WDR35: variants seen among roughly 807,000 people sequenced by gnomAD.
WDR35 encodes the protein WD repeat domain 35, also known as WD repeat-containing protein 35.
A neutral mutation model predicts 158.3 loss-of-function variants in WDR35; 118 were observed. The ratio of observed to expected loss-of-function variants is 0.75; its 90% CI spans 0.64 to 0.87. The LOEUF is 0.87. Ranked by LOEUF, WDR35 falls within the 40% of genes least tolerant of loss-of-function variation. The probability of loss-of-function intolerance (pLI) is 0.00; values close to 1 mark genes in which losing one functional copy is unlikely to be tolerated. For synonymous variants in WDR35, 448 were observed against 476.1 expected (o/e 0.94, Z 0.77); for missense variants, 1,263 against 1,405.8 (o/e 0.90, Z 1.62).
At chr2:19,952,527 A>G (rs927058259) in intron 12 of WDR35, among the ~76,000 whole-genome samples, 4 of 152,200 alleles carry the variant, frequency 2.6e-5, no homozygotes, top group Non-Finnish European at 4.4e-5. Context: ...TTTAGCAGCT[A>G]TAAGACACTC....
At chr2:19,981,677 C>T (rs962297906) in intron 3 of WDR35, among the ~76,000 whole-genome samples, 6 of 152,206 alleles carry the variant, frequency 3.9e-5, no homozygotes, top group African/African-American at 7.2e-5. Flanking sequence ...AGCACCACGC[C>T]TGGTTAATTT....
intron 16 of WDR35, 87 bp downstream of exon 16, chr2:19,945,699 C>T: frequency 6.7e-7 from 1 of 1,491,578 alleles, no homozygotes; most frequent in Non-Finnish European, 9.3e-7. Flanking sequence ...ATTCAACAAA[C>T]TTCTTAAAGA....
At chr2:19,971,247 T>C (rs961762446) in intron 8 of WDR35, among the ~76,000 whole-genome samples, 4 of 152,222 alleles carry the variant, frequency 2.6e-5, no homozygotes, top group Admixed American at 2.0e-4. Flanking sequence ...TCAAATTTAA[T>C]GTTACTATAG....
intron 18 of WDR35, 98 bp from the exon 19 acceptor site, chr2:19,938,044 CTA>C: frequency 2.0e-6 from 3 of 1,480,426 alleles, no homozygotes; most frequent in Non-Finnish European, 9.3e-7. Flanking sequence ...TCTATTATTT[CTA>C]GAGAAACATG....
At chr2:19,973,481 C>G in intron 8 of WDR35, 82 bp downstream of exon 8, 1 of 1,571,408 alleles carries the variant, frequency 6.4e-7, no homozygotes, top group Non-Finnish European at 8.7e-7. Flanking sequence ...AAGTTTACAC[C>G]GTTTCCTTTG....
chr2:19,960,995 G>A (rs1213726883), intron 10 of WDR35, among the ~76,000 whole-genome samples: 1 of 152,114 alleles, frequency 6.6e-6, no homozygotes, highest in African/African-American at 2.4e-5. Flanking sequence ...AAATAAACGT[G>A]CACTAACTTG....
chr2:19,951,262 A>G (rs1461982410), intron 13 of WDR35, among the ~76,000 whole-genome samples, 153 bp downstream of exon 13: 1 of 152,182 alleles, frequency 6.6e-6, no homozygotes, highest in African/African-American at 2.4e-5. Flanking sequence ...TTTAAGATCT[A>G]GGAAAAAGTT....
Position 19,989,245 on chromosome 2 carries a change from G to T in WDR35, c.62C>A (p.Ser21Tyr). ...IPNNVKLQCV[S>Y]WNKEQGFIAC... is the part of the protein sequence containing the mutation. ...TATGAACCCTTGTTCCTTGTTCCAGGATACACACTGCAGCTTCACGTTATT... is the reference window on the plus strand; with the variant it reads ...TATGAACCCTTGTTCCTTGTTCCAGTATACACACTGCAGCTTCACGTTATT... The change falls in exon 2 of 27, where the codon TCC becomes TAC. Residue 21 changes from serine (S) to tyrosine (Y), a missense_variant. Physicochemically the swap from Ser to Tyr is moderately radical, Grantham distance 144. Transcript: ENST00000281405. 6.2e-7 allele frequency: 1 copy of T among 1,614,140 alleles called. No homozygotes were observed. The highest frequency in any genetic ancestry group is 8.5e-7 in the Non-Finnish European group (1 of 1,180,028).
rs374615697 is a variant in WDR35 at position 19,935,999 on chromosome 2, G to A, written c.2414+220C>T. Among the ~76,000 whole-genome samples the A allele has an allele frequency of 3.5e-4, 54 of 152,206 alleles. 2 individuals are homozygous for A. The East Asian group carries it at 4.6e-3, about 13-fold the overall frequency. The stretch of plus-strand genomic sequence containing the variant: ...GTAGGCTCAAACAGAAAGCTGCATG[G>A]AGCTAAGTACAAGTTTTGTGTTTAT... On this transcript the variant is annotated intron_variant, in intron 20 of 26. Coordinates refer to ENST00000281405, the MANE Select transcript of WDR35 (RefSeq NM_020779.4).
intron 11 of WDR35, among the ~76,000 whole-genome samples, chr2:19,957,784 C>T (rs1671497194): frequency 6.6e-6 from 1 of 152,110 alleles, no homozygotes; most frequent in South Asian, 2.1e-4. Flanking sequence ...AACTCCTGAC[C>T]TCAGGTGATC....
chr2:19,983,859 C>T (rs954564887), intron 2 of WDR35, among the ~76,000 whole-genome samples: 1 of 152,164 alleles, frequency 6.6e-6, no homozygotes. Context: ...TTAGGCTGAA[C>T]ATAATTTTTT....
intron 25 of WDR35, 92 bp downstream of exon 25, chr2:19,930,304 G>A: frequency 6.4e-7 from 1 of 1,564,430 alleles, no homozygotes; most frequent in Non-Finnish European, 8.8e-7. Context: ...AAATGTTATT[G>A]AAGGCCACAT....
At chr2:19,959,119 T>A (rs1260309262) in intron 11 of WDR35, among the ~76,000 whole-genome samples, 4 of 151,988 alleles carry the variant, frequency 2.6e-5, no homozygotes, top group Admixed American at 1.3e-4. Flanking sequence ...ATGAAAGAAC[T>A]GTTTGTTAAA....
chr2:19,961,065 G>GA (rs1214527920), intron 10 of WDR35, among the ~76,000 whole-genome samples: 1 of 152,016 alleles, frequency 6.6e-6, no homozygotes, highest in Non-Finnish European at 1.5e-5. Context: ...GCAGCAGTTT[G>GA]AAAAAAAGCC....
chr2:19,982,185 G>C (rs1672402648), intron 3 of WDR35, among the ~76,000 whole-genome samples: 1 of 152,102 alleles, frequency 6.6e-6, no homozygotes, highest in Non-Finnish European at 1.5e-5. Context: ...TATAAAATAG[G>C]CTTTATGTCA....
intron 25 of WDR35, among the ~76,000 whole-genome samples, chr2:19,923,674 C>T (rs1488558788): frequency 6.6e-6 from 1 of 152,144 alleles, no homozygotes; most frequent in African/African-American, 2.4e-5. Flanking sequence ...TCGAACAGCA[C>T]CTTGAGTGAC....
chr2:19,921,033 G>C (rs1670150333), intron 25 of WDR35, among the ~76,000 whole-genome samples: 2 of 152,118 alleles, frequency 1.3e-5, no homozygotes, highest in Admixed American at 6.5e-5. Context: ...GGGATGTGAA[G>C]GACCTCTTCA....
At chr2:19,979,010 T>C (rs554702897) in intron 4 of WDR35, 131 bp from the exon 5 acceptor site, 47 of 1,146,412 alleles carry the variant, frequency 4.1e-5, no homozygotes, top group Admixed American at 7.2e-5. Context: ...ACCTGAGACA[T>C]TAAACTATAA....
At chr2:19,954,503 A>G (rs1020814975) in intron 11 of WDR35, among the ~76,000 whole-genome samples, 2 of 152,240 alleles carry the variant, frequency 1.3e-5, no homozygotes, top group Non-Finnish European at 2.9e-5. Flanking sequence ...TTTAAAAGTG[A>G]GCAACGGATA....
Sources: gnomAD v4.1 joint callset for allele counts (sites outside exome capture counted in the v4.1 genomes callset) on GRCh38, gnomAD v4.1.1 for gene constraint, MANE v1.5 for transcripts, NCBI Gene and HGNC (gene_info 2026-07-23, HGNC 2026-07-21) for gene names.